Variants in PHACTR4 observed in about 807,000 individuals in gnomAD.
PHACTR4 encodes protein phosphatase 1, regulatory subunit 124.
Under a neutral mutation model 72.7 loss-of-function variants are expected in PHACTR4, and 51 were observed. The ratio of observed to expected loss-of-function variants is 0.70; its 90% CI spans 0.56 to 0.89. The LOEUF is 0.89. Among genes scored for constraint, PHACTR4 ranks in the 40% least tolerant of loss-of-function variants. The pLI is 0.00. For synonymous variants in PHACTR4, 255 were observed against 302.5 expected (o/e 0.84, Z 1.63); for missense variants, 731 against 861.8 (o/e 0.85, Z 1.90).
At position 28,496,566 on chromosome 1, in the gene PHACTR4, A is replaced by G. The variant is rs780568184; in HGVS notation, c.*17A>G. The G allele has an allele frequency of 1.2e-6, 2 of 1,613,726 alleles. No homozygotes were observed. Among genetic ancestry groups the G allele is most frequent in the Admixed American group, 3.3e-5 (2 of 60,018 alleles). The stretch of plus-strand genomic sequence containing the variant: ...CGTCCATGATGCCAAAGGTTGAGAG[A>G]GGAATCAACATGGCTGCTTTGCTGC... On this transcript the variant is annotated 3_prime_UTR_variant, in exon 14 of 14. Coordinates refer to ENST00000373839, the MANE Select transcript of PHACTR4 (RefSeq NM_001048183.3).
intron 1 of PHACTR4, among the ~76,000 whole-genome samples, chr1:28,392,538 GA>G (rs1653139721): frequency 6.6e-6 from 1 of 151,818 alleles, no homozygotes; most frequent in Non-Finnish European, 1.5e-5. Flanking sequence ...GAGTAGCTGG[GA>G]TTACAGATGT....
At chr1:28,473,444 T>A in intron 6 of PHACTR4, 110 bp from the exon 7 acceptor site, 1 of 813,920 alleles carries the variant, frequency 1.2e-6, no homozygotes, top group Non-Finnish European at 2.0e-6. Context: ...TGAAATTATT[T>A]AACTTGCTTA....
intron 4 of PHACTR4, among the ~76,000 whole-genome samples, chr1:28,462,660 C>T (rs1315096160): frequency 6.6e-6 from 1 of 151,790 alleles, no homozygotes; most frequent in Non-Finnish European, 1.5e-5. Flanking sequence ...GCCACCACGC[C>T]TGATGATCTT....
intron 1 of PHACTR4, among the ~76,000 whole-genome samples, chr1:28,374,758 A>G (rs1651510554): frequency 6.6e-6 from 1 of 152,180 alleles, no homozygotes; most frequent in Admixed American, 6.6e-5. Flanking sequence ...GGGTTTACCT[A>G]CTGATTAGGG....
intron 2 of PHACTR4, among the ~76,000 whole-genome samples, chr1:28,421,430 T>C (rs1655506763): frequency 6.6e-6 from 1 of 152,102 alleles, no homozygotes; most frequent in South Asian, 2.1e-4. Context: ...ACCAGTGTTT[T>C]ATCTTGCGGT....
chr1:28,492,978 CAGA>C (rs1340177302), intron 12 of PHACTR4, 34 bp from the exon 13 acceptor site: 1 of 1,546,472 alleles, frequency 6.5e-7, no homozygotes, highest in African/African-American at 1.4e-5. Flanking sequence ...GCAAAGCAGC[CAGA>C]AGAAGCTGAA....
At chr1:28,424,231 G>T (rs966969739) in intron 2 of PHACTR4, among the ~76,000 whole-genome samples, 36 of 151,670 alleles carry the variant, frequency 2.4e-4, no homozygotes, top group African/African-American at 8.5e-4. Flanking sequence ...TCACTCTGTT[G>T]CCCAGACTGG....
intron 2 of PHACTR4, among the ~76,000 whole-genome samples, chr1:28,434,766 G>A (rs1337038080): frequency 6.6e-6 from 1 of 151,652 alleles, no homozygotes; most frequent in Admixed American, 6.6e-5. Context: ...TCCTAGGCTC[G>A]AGGGATCCTC....
chr1:28,431,075 A>C (rs1306238388), intron 2 of PHACTR4, among the ~76,000 whole-genome samples: 3 of 149,962 alleles, frequency 2.0e-5, no homozygotes, highest in African/African-American at 4.9e-5. Flanking sequence ...GCTACTCGGG[A>C]TGCTGAGGCA....
intron 13 of PHACTR4, among the ~76,000 whole-genome samples, chr1:28,496,081 G>A (rs1475660480): frequency 7.9e-6 from 1 of 126,618 alleles, no homozygotes; most frequent in East Asian, 2.4e-4. Flanking sequence ...TTTTGAGACG[G>A]AGTCTCGCTG....
At chr1:28,371,176 GCTC>G (rs1651217815) in intron 1 of PHACTR4, among the ~76,000 whole-genome samples, 1 of 152,150 alleles carries the variant, frequency 6.6e-6, no homozygotes, top group South Asian at 2.1e-4. Context: ...ACAGTGGAGA[GCTC>G]CTAGTTCACT....
intron 6 of PHACTR4, 31 bp downstream of exon 6, chr1:28,466,799 G>A (rs1375524358): frequency 2.5e-6 from 4 of 1,579,436 alleles, no homozygotes; most frequent in Non-Finnish European, 2.6e-6. Flanking sequence ...CCAGTGTTTT[G>A]GGTTTGGTTT....
chr1:28,401,475 T>G, intron 1 of PHACTR4, among the ~76,000 whole-genome samples: 1 of 151,888 alleles, frequency 6.6e-6, no homozygotes, highest in East Asian at 1.9e-4. Context: ...CCCGGCTAAT[T>G]TTTATATTTT....
chr1:28,371,375 A>G (rs911767362), intron 1 of PHACTR4, among the ~76,000 whole-genome samples: 2 of 151,816 alleles, frequency 1.3e-5, no homozygotes, highest in African/African-American at 4.8e-5. Context: ...GCTCACTGCA[A>G]CCTCCACTTC....
chr1:28,396,224 T>C (rs1043605405), intron 1 of PHACTR4, among the ~76,000 whole-genome samples: 4 of 151,868 alleles, frequency 2.6e-5, no homozygotes, highest in African/African-American at 9.7e-5. Context: ...AAGGGTAAAT[T>C]GGTGACAGAT....
At chr1:28,451,323 A>C (rs1657953507) in intron 2 of PHACTR4, among the ~76,000 whole-genome samples, 1 of 151,224 alleles carries the variant, frequency 6.6e-6, no homozygotes, top group South Asian at 2.1e-4. Context: ...TAAGCATTGC[A>C]ATTGAATCCT....
intron 1 of PHACTR4, among the ~76,000 whole-genome samples, chr1:28,397,548 G>A (rs183816846): frequency 7.3e-4 from 111 of 152,162 alleles, no homozygotes; most frequent in African/African-American, 2.6e-3. Flanking sequence ...TACCCAGAAA[G>A]GAATAGAAAA....
intron 2 of PHACTR4, among the ~76,000 whole-genome samples, chr1:28,430,189 A>AT (rs1403035550): frequency 4.6e-5 from 7 of 151,672 alleles, no homozygotes; most frequent in African/African-American, 1.5e-4. Flanking sequence ...CACCAGGCTA[A>AT]TTTTTTTTGT....
At chr1:28,374,651 T>A (rs966580284) in intron 1 of PHACTR4, among the ~76,000 whole-genome samples, 1 of 152,178 alleles carries the variant, frequency 6.6e-6, no homozygotes, top group Non-Finnish European at 1.5e-5. Context: ...CAAAACCATC[T>A]GTTCATTCAG....
Sources: allele counts gnomAD v4.1 joint callset (sites outside exome capture counted in the v4.1 genomes callset), GRCh38; gene constraint gnomAD v4.1.1; transcripts MANE v1.5; gene names NCBI Gene and HGNC (gene_info 2026-07-23, HGNC 2026-07-21).